FOXK2: variants seen among roughly 807,000 people sequenced by gnomAD.
FOXK2 encodes forkhead box K2.
Under a neutral mutation model 53.3 loss-of-function variants are expected in FOXK2, and 24 were observed. The observed-to-expected ratio is 0.45, with a 90% CI of 0.33 to 0.63. The LOEUF (loss-of-function observed/expected upper bound fraction) is 0.63. Ranked by LOEUF, FOXK2 falls within the 30% of genes least tolerant of loss-of-function variation. FOXK2 has a pLI of 0.03. For synonymous variants in FOXK2, 505 were observed against 407.1 expected, an observed-to-expected ratio of 1.24 and a Z score of -2.89; for missense variants, 952 against 910.5, an observed-to-expected ratio of 1.05 and a Z score of -0.59.
chr17:82,567,941 T>TAAA, intron 2 of FOXK2, 113 bp from the exon 3 acceptor site: 1 of 636,904 alleles, frequency 1.6e-6, no homozygotes, highest in Non-Finnish European at 2.3e-6. Context: ...TTTTTTTTTT[T>TAAA]TTTTTTTAAC....
In FOXK2 at chr17:82,519,944, G is replaced by A. The variant is rs1160411637; in HGVS notation, c.56G>A (p.Gly19Glu). 7 of 822,968 alleles carry A rather than the reference G, an allele frequency of 8.5e-6. No homozygotes were observed. The highest frequency in any genetic ancestry group is 1.0e-5 in the Non-Finnish European group (7 of 691,602). The allele number at this position is 822,968 out of a possible 1,614,324, so 51.0% of individuals were successfully genotyped here. A position where few individuals can be genotyped will look rare whatever the true frequency, so the allele number is the denominator to read the frequency against. ...GCGGGCACGCCACCCGCGGGCGGCG[G>A]GGCCGGGGGCGGCGGGGCCGGGGGC... is the stretch of plus-strand genomic sequence containing the variant. ...SGAGTPPAGG[G>E]AGGGGAGGGG... Residue 19 changes from glycine to glutamate, a missense_variant, in exon 1 of 9, where the codon GGG becomes GAG. Gly to Glu is a moderately conservative substitution (Grantham distance 98). Transcript: ENST00000335255.
chr17:82,591,135 A>G (rs891276966), intron 8 of FOXK2, among the ~76,000 whole-genome samples: 1 of 152,162 alleles, frequency 6.6e-6, no homozygotes, highest in African/African-American at 2.4e-5. Context: ...CTGGCCTTGC[A>G]GGACAGCAGG....
rs77294201 is a variant in FOXK2 at position 82,566,862 on chromosome 17, G to A, written c.615-1192G>A. Among the ~76,000 whole-genome samples the A allele has an allele frequency of 5.2e-3, 798 of 152,300 alleles. 5 individuals are homozygous for A. Among genetic ancestry groups the A allele is most frequent in the African/African-American group, 0.018 (761 of 41,564 alleles). On this transcript the variant is annotated intron_variant, in intron 2 of 8. Transcript: ENST00000335255. The stretch of plus-strand genomic sequence containing the variant: ...AGCAACCTGACTTTCCAAACCTGCC[G>A]TCCACCCAGCAGGTCACTCGCCTTC...
intron 1 of FOXK2, among the ~76,000 whole-genome samples, chr17:82,524,001 TCTC>T (rs1355443893): frequency 6.6e-6 from 1 of 152,134 alleles, no homozygotes; most frequent in African/African-American, 2.4e-5. Flanking sequence ...TTCAAGCCAT[TCTC>T]CTGCCTCAGA....
intron 1 of FOXK2, among the ~76,000 whole-genome samples, chr17:82,541,431 C>A (rs1201585112): frequency 3.9e-5 from 6 of 151,904 alleles, no homozygotes; most frequent in African/African-American, 7.3e-5. Context: ...CGCCATCACG[C>A]CCGGCTAATT....
In FOXK2 at chr17:82,587,191, C is replaced by T. The variant is rs1329355910; in HGVS notation, c.1705C>T (p.Gln569Ter). 1 of 1,613,116 alleles carries T rather than the reference C, an allele frequency of 6.2e-7. No individual in the cohort carries two copies. Residue 569 changes from glutamine to a stop codon, truncating the protein, a stop_gained, in exon 8 of 9, where the codon CAG becomes TAG. Transcript: ENST00000335255. LOFTEE classifies it high-confidence loss of function. Reference protein sequence around the residue: ...IVQQAPLGQHQLPIKTVTQNG... With the variant: ...IVQQAPLGQH ...ACAACAGGCACCTCTAGGTCAACAC[C>T]AGCTACCAATAAAAACTGTAACACA...
chr17:82,530,886 A>G (rs1044316590), intron 1 of FOXK2, among the ~76,000 whole-genome samples: 4 of 152,178 alleles, frequency 2.6e-5, no homozygotes, highest in Admixed American at 2.6e-4. Context: ...TTGAGTATAT[A>G]GAGAATGTTT....
chr17:82,557,149 C>T (rs1443216816), intron 1 of FOXK2, among the ~76,000 whole-genome samples: 3 of 151,844 alleles, frequency 2.0e-5, no homozygotes, highest in Non-Finnish European at 2.9e-5. Context: ...TCTCCTGCCT[C>T]AGCCTCCCAA....
At chr17:82,533,891 C>G (rs760287026) in intron 1 of FOXK2, among the ~76,000 whole-genome samples, 5 of 151,786 alleles carry the variant, frequency 3.3e-5, no homozygotes, top group Non-Finnish European at 7.4e-5. Flanking sequence ...CCCAGCTACT[C>G]GTGAGACTGA....
chr17:82,541,363 C>G (rs1235705978), intron 1 of FOXK2, among the ~76,000 whole-genome samples: 1 of 148,210 alleles, frequency 6.7e-6, no homozygotes, highest in Non-Finnish European at 1.5e-5. Flanking sequence ...ACCTCCGTCT[C>G]CTGGGTTCAA....
chr17:82,520,305 C>T lies in FOXK2; in HGVS notation c.417C>T (p.Arg139=). ...GGGCGCCGCCGCTGCAGCTGCCGCG[C>T]GTGTGAGTGGCCTCGGGGCGGGGCG... The part of the protein sequence containing the change: ...RRGAPPLQLP[R]VCTFRFPSTN... The change falls in exon 1 of 9, where the codon CGC becomes CGT. Residue 139 remains arginine (R), a splice_region_variant and synonymous_variant. Coordinates refer to ENST00000335255, the MANE Select transcript of FOXK2 (RefSeq NM_004514.4). 9.4e-7 allele frequency: 1 copy of T among 1,059,026 alleles called. No individual in the cohort carries two copies. The highest frequency in any genetic ancestry group is 1.7e-5 in the African/African-American group (1 of 59,922). The allele number at this position is 1,059,026 out of a possible 1,614,324, so 65.6% of individuals were successfully genotyped here.
Position 82,601,659 on chromosome 17 carries a change from A to T in FOXK2, c.*160A>T. The T allele has an allele frequency of 1.6e-6, 1 of 643,868 alleles. No homozygotes were observed. The highest frequency in any genetic ancestry group is 2.6e-6 in the Non-Finnish European group (1 of 386,728). 39.9% of individuals were successfully genotyped at this position (643,868 alleles called of 1,614,324 possible). ...TGGCCTTAACACTCCTTAAAGACAGAAGTCACACTTGAACAAAACCCACAC... is the reference window on the plus strand; with the variant it reads ...TGGCCTTAACACTCCTTAAAGACAGTAGTCACACTTGAACAAAACCCACAC... On this transcript the variant is annotated 3_prime_UTR_variant, in exon 9 of 9. Coordinates refer to ENST00000335255, the MANE Select transcript of FOXK2 (RefSeq NM_004514.4).
At chr17:82,588,149 G>A (rs1197085484) in intron 8 of FOXK2, 1 of 152,376 alleles carries the variant, frequency 6.6e-6, no homozygotes, top group Admixed American at 6.5e-5. Flanking sequence ...AACAAGGTCT[G>A]GAACCTTTTC....
At chr17:82,575,749 C>G (rs1308706698) in intron 4 of FOXK2, among the ~76,000 whole-genome samples, 3 of 152,168 alleles carry the variant, frequency 2.0e-5, no homozygotes, top group African/African-American at 7.2e-5. Flanking sequence ...AAATCTCAAG[C>G]TGGGCTTGAG....
At chr17:82,552,848 G>A (rs983591095) in intron 1 of FOXK2, among the ~76,000 whole-genome samples, 1 of 152,180 alleles carries the variant, frequency 6.6e-6, no homozygotes, top group African/African-American at 2.4e-5. Context: ...AAGCGTCTCC[G>A]CGTGCTCTGC....
chr17:82,601,815 T>G lies in FOXK2; in HGVS notation c.*316T>G. 7.8e-6 allele frequency: 2 copies of G among 257,034 alleles called. No individual in the cohort carries two copies. The highest frequency in any genetic ancestry group is 1.5e-5 in the Non-Finnish European group (2 of 131,686). The allele number at this position is 257,034 out of a possible 1,614,324, so 15.9% of individuals were successfully genotyped here. A position where few individuals can be genotyped will look rare whatever the true frequency, so the allele number is the denominator to read the frequency against. ...GTGTGAGGACGGCACGGCCAGCGCCTGCTGTGAGTGGGTCTCCCAAGACTA... is the reference window on the plus strand; with the variant it reads ...GTGTGAGGACGGCACGGCCAGCGCCGGCTGTGAGTGGGTCTCCCAAGACTA... On this transcript the variant is annotated 3_prime_UTR_variant, in exon 9 of 9. Coordinates refer to ENST00000335255, the MANE Select transcript of FOXK2 (RefSeq NM_004514.4).
At chr17:82,541,377 A>T (rs986487857) in intron 1 of FOXK2, among the ~76,000 whole-genome samples, 1 of 150,734 alleles carries the variant, frequency 6.6e-6, no homozygotes, top group Admixed American at 6.6e-5. Flanking sequence ...GGTTCAAGTG[A>T]TTCTCGTGCC....
At chr17:82,576,654 TG>T in intron 4 of FOXK2, 1 of 1,153,648 alleles carries the variant, frequency 8.7e-7, no homozygotes, top group Non-Finnish European at 1.3e-6. Flanking sequence ...AGAAGATGAT[TG>T]ACACAACGAA....
At chr17:82,596,901 T>A (rs2045319151) in intron 8 of FOXK2, among the ~76,000 whole-genome samples, 2 of 152,218 alleles carry the variant, frequency 1.3e-5, no homozygotes, top group Admixed American at 1.3e-4. Flanking sequence ...CCTCCCGGGC[T>A]TGCTGAAGTG....
Sources: gnomAD v4.1 joint callset for allele counts (sites outside exome capture counted in the v4.1 genomes callset) on GRCh38, gnomAD v4.1.1 for gene constraint, MANE v1.5 for transcripts, NCBI Gene and HGNC (gene_info 2026-07-23, HGNC 2026-07-21) for gene names.